The following TFPI variants were observed in gnomAD, a reference collection of about 807,000 sequenced individuals.
The protein encoded by TFPI is anti-convertin.
TFPI carries 15 observed loss-of-function variants against 34.6 expected under a neutral mutation model. The ratio of observed to expected loss-of-function variants is 0.43; its 90% confidence interval spans 0.29 to 0.67. The LOEUF (loss-of-function observed/expected upper bound fraction) is 0.67. TFPI is among the 30% of genes least tolerant of loss of function. TFPI has a pLI of 0.15. For missense variants in TFPI, 301 were observed against 364.0 expected, an observed-to-expected ratio of 0.83 and a Z score of 1.41; for synonymous variants, 105 against 120.1, an observed-to-expected ratio of 0.87 and a Z score of 0.82.
chr2:187,479,939 TAGA>T (rs1258442975), intron 6 of TFPI, among the ~76,000 whole-genome samples: 1 of 151,790 alleles, frequency 6.6e-6, no homozygotes, highest in Non-Finnish European at 1.5e-5. Context: ...AGAAAAACAG[TAGA>T]AGAACTCAAA....
chr2:187,493,026 G>A (rs1381434252), intron 3 of TFPI, among the ~76,000 whole-genome samples: 2 of 152,060 alleles, frequency 1.3e-5, no homozygotes, highest in African/African-American at 4.8e-5. Flanking sequence ...GCTCCACTAG[G>A]CAGTGCCCCA....
chr2:187,475,358 TAGAATAAA>T (rs1692310838), intron 6 of TFPI, among the ~76,000 whole-genome samples: 1 of 148,938 alleles, frequency 6.7e-6, no homozygotes, highest in Admixed American at 6.6e-5. Context: ...CAAAGAAACT[TAGAATAAA>T]ATTTGTTAAA....
Position 187,484,134 on chromosome 2 carries a change from G to T in TFPI, c.618C>A (p.Pro206=), listed in dbSNP as rs760490203. 2 of 1,612,038 alleles carry T rather than the reference G, an allele frequency of 1.2e-6. No individual in the cohort carries two copies. The highest frequency in any genetic ancestry group is 8.5e-7 in the Non-Finnish European group (1 of 1,178,600). The change falls in exon 6 of 8, where the codon CCC becomes CCA. Residue 206 remains proline (P), a synonymous_variant. Coordinates refer to ENST00000233156, the MANE Select transcript of TFPI (RefSeq NM_006287.6). ...NSLTPQSTKV[P]SLFEFHGPSW... is the part of the protein sequence containing the mutation. ...CCACAAGATTCTTACCAAAAAGGCT[G>T]GGAACCTTGGTTGATTGCGGAGTCA...
intron 1 of TFPI, among the ~76,000 whole-genome samples, chr2:187,512,415 C>T (rs1186178396): frequency 6.6e-6 from 1 of 151,426 alleles, no homozygotes; most frequent in Non-Finnish European, 1.5e-5. Context: ...AGCAGGTTTC[C>T]TAACAGGGGA....
intron 1 of TFPI, chr2:187,518,861 A>T (rs967028304): frequency 3.3e-5 from 5 of 151,656 alleles, no homozygotes; most frequent in African/African-American, 1.2e-4. Context: ...TTTTTTCTCT[A>T]ATCTTGTCTT....
At chr2:187,480,016 C>T (rs888119035) in intron 6 of TFPI, among the ~76,000 whole-genome samples, 21 of 152,092 alleles carry the variant, frequency 1.4e-4, no homozygotes, top group African/African-American at 4.8e-4. Context: ...CATCTTTTGA[C>T]CTTGAAGCCC....
intron 1 of TFPI, among the ~76,000 whole-genome samples, chr2:187,540,922 A>T (rs1265923424): frequency 6.6e-6 from 1 of 151,724 alleles, no homozygotes; most frequent in Non-Finnish European, 1.5e-5. Flanking sequence ...AAAGAAAAAA[A>T]AGAGAAAATA....
intron 1 of TFPI, among the ~76,000 whole-genome samples, chr2:187,528,698 C>A (rs1468653642): frequency 6.6e-6 from 1 of 152,004 alleles, no homozygotes; most frequent in Non-Finnish European, 1.5e-5. Flanking sequence ...ATCTCATACT[C>A]ACCTTAAAAG....
intron 6 of TFPI, 151 bp downstream of exon 6, chr2:187,483,973 C>T (rs201218784): frequency 8.3e-6 from 3 of 359,488 alleles, no homozygotes; most frequent in South Asian, 8.4e-5. Flanking sequence ...ATGTCTTAAA[C>T]AATTTGAATC....
At chr2:187,495,106 T>C (rs918996675) in intron 3 of TFPI, among the ~76,000 whole-genome samples, 1 of 152,188 alleles carries the variant, frequency 6.6e-6, no homozygotes, top group African/African-American at 2.4e-5. Flanking sequence ...TTTTAAATGA[T>C]GATAAGCAAG....
chr2:187,478,750 C>G, intron 6 of TFPI: 1 of 1,613,770 alleles, frequency 6.2e-7, no homozygotes, highest in Non-Finnish European at 8.5e-7. Context: ...TTCAGAAAGA[C>G]TTGGTAAATA....
rs554428495 is a variant in TFPI at position 187,482,652 on chromosome 2, A to ATTAATTT, written c.628+1471_628+1472insAAATTAA. 3.4e-4 allele frequency among the ~76,000 whole-genome samples: 51 copies of ATTAATTT among 152,152 alleles called. No individual in the cohort carries two copies. The East Asian group carries it at 9.5e-3, about 28-fold the overall frequency. On this transcript the variant is annotated intron_variant, in intron 6 of 7. Coordinates refer to ENST00000233156, the MANE Select transcript of TFPI (RefSeq NM_006287.6). ...CACACTTATTGAATGCCTACAATTTAGGGAATTTATTAATACCTGAGACAG... is the reference window on the plus strand; with the variant it reads ...CACACTTATTGAATGCCTACAATTTATTAATTTGGGAATTTATTAATACCTGAGACAG...
At chr2:187,495,543 G>A (rs1288522811) in intron 3 of TFPI, among the ~76,000 whole-genome samples, 1 of 152,196 alleles carries the variant, frequency 6.6e-6, no homozygotes, top group African/African-American at 2.4e-5. Context: ...AATCAGTGCT[G>A]TGAGGTTAAA....
chr2:187,545,016 C>T (rs973870057), intron 1 of TFPI, among the ~76,000 whole-genome samples: 3 of 151,004 alleles, frequency 2.0e-5, no homozygotes, highest in Non-Finnish European at 4.4e-5. Flanking sequence ...GAGGCTGAGG[C>T]AGGAGAATCG....
intron 1 of TFPI, chr2:187,515,546 C>T (rs1358333589): frequency 1.3e-5 from 2 of 152,122 alleles, no homozygotes; most frequent in African/African-American, 4.8e-5. Context: ...AAGAAGATGA[C>T]AAGCGCTGCT....
chr2:187,506,380 AG>A (rs1311856363), intron 1 of TFPI, among the ~76,000 whole-genome samples: 2 of 152,138 alleles, frequency 1.3e-5, no homozygotes, highest in African/African-American at 4.8e-5. Flanking sequence ...GAATGTACAG[AG>A]ACTTCTCATA....
intron 1 of TFPI, among the ~76,000 whole-genome samples, chr2:187,534,929 G>T (rs914385332): frequency 2.0e-5 from 3 of 151,950 alleles, no homozygotes; most frequent in Non-Finnish European, 4.4e-5. Context: ...AAAATCAGGG[G>T]TTGCAATGCT....
intron 6 of TFPI, among the ~76,000 whole-genome samples, chr2:187,478,063 G>A (rs8176533): frequency 0.012 from 1,756 of 152,204 alleles, 39 homozygotes; most frequent in African/African-American, 0.039. Context: ...ATATCATAAA[G>A]CTGATGTAGT....
intron 3 of TFPI, among the ~76,000 whole-genome samples, chr2:187,494,214 C>A (rs893479720): frequency 6.6e-6 from 1 of 150,936 alleles, no homozygotes; most frequent in Non-Finnish European, 1.5e-5. Flanking sequence ...CAATCATTTC[C>A]CACCAGTCCC....
Sources: allele counts gnomAD v4.1 joint callset (sites outside exome capture counted in the v4.1 genomes callset), GRCh38; gene constraint gnomAD v4.1.1; transcripts MANE v1.5; gene names NCBI Gene and HGNC (gene_info 2026-07-23, HGNC 2026-07-21).